The following PRKD2 variants were observed in gnomAD, a reference collection of about 807,000 sequenced individuals.
The protein encoded by PRKD2 is serine/threonine-protein kinase D2.
A neutral mutation model predicts 86.0 loss-of-function variants in PRKD2; 22 were observed. The ratio of observed to expected loss-of-function variants is 0.26; its 90% CI spans 0.18 to 0.37. The LOEUF (loss-of-function observed/expected upper bound fraction) is 0.37. Ranked by LOEUF, PRKD2 falls within the 10% of genes least tolerant of loss-of-function variation. PRKD2 has a pLI of 1.00. For missense variants in PRKD2, 818 were observed against 1,199.2 expected (o/e 0.68, Z 4.70); for synonymous variants, 509 against 510.9 (o/e 1.00, Z 0.05).
intron 9 of PRKD2, among the ~76,000 whole-genome samples, chr19:46,696,434 G>A (rs2053558405): frequency 6.6e-6 from 1 of 152,132 alleles, no homozygotes; most frequent in Admixed American, 6.6e-5. Context: ...AGGTGGTGAC[G>A]AATACGCACA....
chr19:46,708,181 C>G (rs2053743826), intron 3 of PRKD2, among the ~76,000 whole-genome samples: 1 of 152,034 alleles, frequency 6.6e-6, no homozygotes, highest in South Asian at 2.1e-4. Flanking sequence ...TCTGTGTCTC[C>G]CCCAAAATTC....
At chr19:46,708,552 A>G (rs765716099) in intron 3 of PRKD2, among the ~76,000 whole-genome samples, 56 of 151,618 alleles carry the variant, frequency 3.7e-4, no homozygotes, top group Non-Finnish European at 6.8e-4. Context: ...CCTGGACTCA[A>G]GCGATCCACC....
chr19:46,714,328 C>G (rs938690703), intron 1 of PRKD2: 37 of 1,097,898 alleles, frequency 3.4e-5, no homozygotes, highest in Non-Finnish European at 3.8e-5. Flanking sequence ...AATGAACACT[C>G]CCTCCCCTGT....
chr19:46,679,285 G>A (rs1464537004), intron 15 of PRKD2, among the ~76,000 whole-genome samples: 2 of 152,054 alleles, frequency 1.3e-5, no homozygotes, highest in Non-Finnish European at 2.9e-5. Flanking sequence ...AGCCGAGATC[G>A]CACCACTGCA....
Position 46,678,807 on chromosome 19 carries a change from C to A in PRKD2, c.2071-144G>T, listed in dbSNP as rs746289923. The stretch of plus-strand genomic sequence containing the variant: ...GCTCCTTGGCTCACTAGCTGAGCAA[C>A]CCTGGGCAGGTGACTTCCCCCCTCT... On this transcript the variant is annotated intron_variant, in intron 15 of 17. Coordinates refer to ENST00000291281, the MANE Select transcript of PRKD2 (RefSeq NM_016457.5). The surrounding 1 kb of genome is among the most constrained non-coding windows in gnomAD (Gnocchi z 5.7). The A allele has an allele frequency of 1.8e-5, 18 of 991,300 alleles. No homozygotes were observed. The highest frequency in any genetic ancestry group is 1.7e-4 in the Admixed American group (6 of 36,158). The allele number at this position is 991,300 out of a possible 1,614,324, so 61.4% of individuals were successfully genotyped here. A position where few individuals can be genotyped will look rare whatever the true frequency, so the allele number is the denominator to read the frequency against.
rs1366759266 is a variant in PRKD2 at position 46,681,286 on chromosome 19, A to G, written c.2070+364T>C. 4.9e-5 allele frequency among the ~76,000 whole-genome samples: 6 copies of G among 121,274 alleles called. No homozygotes were observed. In the East Asian group the frequency reaches 1.5e-3, roughly 31 times the overall value. 79.6% of individuals were successfully genotyped at this position (121,274 alleles called of 152,430 possible). On this transcript the variant is annotated intron_variant, in intron 15 of 17. Transcript: ENST00000291281. ...TTTTTTTTTTTAAGAGACAGCTCTC[A>G]CTCTGTTATTCAGGCTGGAGTGCAG...
chr19:46,692,085 T>C (rs2053492111), intron 10 of PRKD2, 100 bp from the exon 11 acceptor site: 2 of 1,174,136 alleles, frequency 1.7e-6, no homozygotes. Flanking sequence ...CACCCAGATT[T>C]GAATCCAATG....
intron 3 of PRKD2, among the ~76,000 whole-genome samples, chr19:46,707,183 T>C (rs2053726099): frequency 6.6e-6 from 1 of 152,174 alleles, no homozygotes. Flanking sequence ...TGAGCCACCG[T>C]GCCTGGCCCA....
chr19:46,678,678 G>A lies in PRKD2; in HGVS notation c.2071-15C>T. ...CACAGCTTCACCTGCAGAGGGCAAGGGATGGAGGCTCCACCAGGTGATGGA... is the reference window on the plus strand; with the variant it reads ...CACAGCTTCACCTGCAGAGGGCAAGAGATGGAGGCTCCACCAGGTGATGGA... On this transcript the variant is annotated splice_polypyrimidine_tract_variant and intron_variant, in intron 15 of 17. Coordinates refer to ENST00000291281, the MANE Select transcript of PRKD2 (RefSeq NM_016457.5). This position sits in a 1 kb window ranked among gnomAD's most constrained non-coding sequence, Gnocchi z 5.7. 6.3e-7 allele frequency: 1 copy of A among 1,596,674 alleles called. No individual in the cohort carries two copies. The highest frequency in any genetic ancestry group is 8.5e-7 in the Non-Finnish European group (1 of 1,176,230).
Position 46,678,676 on chromosome 19 carries a change from A to T in PRKD2, c.2071-13T>A, listed in dbSNP as rs776803892. The T allele has an allele frequency of 1.9e-6, 3 of 1,597,358 alleles. No individual in the cohort carries two copies. Among genetic ancestry groups the T allele is most frequent in the Admixed American group, 3.3e-5 (2 of 59,890 alleles). On this transcript the variant is annotated splice_polypyrimidine_tract_variant and intron_variant, in intron 15 of 17. Transcript: ENST00000291281. This position sits in a 1 kb window ranked among gnomAD's most constrained non-coding sequence, Gnocchi z 5.7. Reference sequence around the variant, plus strand: ...CACACAGCTTCACCTGCAGAGGGCAAGGGATGGAGGCTCCACCAGGTGATG... The same window carrying T: ...CACACAGCTTCACCTGCAGAGGGCATGGGATGGAGGCTCCACCAGGTGATG...
At chr19:46,680,159 T>C (rs3859426) in intron 15 of PRKD2, among the ~76,000 whole-genome samples, 118,088 of 152,114 alleles carry the variant, frequency 0.78, 46,410 homozygotes, top group African/African-American at 0.91. Context: ...CAGCCACGCC[T>C]CAACCCCTGA....
At chr19:46,691,596 C>T in intron 12 of PRKD2, 139 bp downstream of exon 12, 1 of 808,664 alleles carries the variant, frequency 1.2e-6, no homozygotes, top group Non-Finnish European at 2.1e-6. Flanking sequence ...CACCCAGGAT[C>T]TAGCTAAGCC....
intron 3 of PRKD2, chr19:46,710,347 C>T (rs1472861980): frequency 6.5e-6 from 1 of 153,062 alleles, no homozygotes; most frequent in Non-Finnish European, 1.5e-5. Flanking sequence ...TGTCTGTCAC[C>T]ATGCTTGGCT....
chr19:46,716,010 C>T lies in PRKD2; in HGVS notation c.240+121G>A, dbSNP rs2053876749. ...GAGGGGGGCAATGCCCCCTATCCCT[C>T]CATCACCCAAAGCTCAGGTCTCCTT... On this transcript the variant is annotated intron_variant, in intron 1 of 17. Transcript: ENST00000291281. The surrounding 1 kb of genome is among the most constrained non-coding windows in gnomAD (Gnocchi z 7.9). 1.4e-6 allele frequency: 2 copies of T among 1,422,208 alleles called. No homozygotes were observed. Among genetic ancestry groups the T allele is most frequent in the African/African-American group, 3.0e-5 (2 of 66,934 alleles). The allele number at this position is 1,422,208 out of a possible 1,614,324, so 88.1% of individuals were successfully genotyped here. A position where few individuals can be genotyped will look rare whatever the true frequency, so the allele number is the denominator to read the frequency against.
chr19:46,695,478 G>A (rs1383335557), intron 9 of PRKD2, among the ~76,000 whole-genome samples: 4 of 152,170 alleles, frequency 2.6e-5, no homozygotes, highest in Admixed American at 1.3e-4. Context: ...GCGAGACTCC[G>A]TCTCAAAAAT....
At chr19:46,714,712 G>A (rs530342262) in intron 1 of PRKD2, 24 of 152,702 alleles carry the variant, frequency 1.6e-4, no homozygotes, top group South Asian at 8.2e-4. Flanking sequence ...TGAAGCCTGA[G>A]CGGGGCAGGC....
intron 3 of PRKD2, among the ~76,000 whole-genome samples, chr19:46,710,185 C>G (rs1026080156): frequency 2.0e-5 from 3 of 151,978 alleles, no homozygotes; most frequent in African/African-American, 7.3e-5. Context: ...GCATGAGCCA[C>G]CGTGTCCGGC....
intron 5 of PRKD2, among the ~76,000 whole-genome samples, chr19:46,703,960 C>CA (rs200029658): frequency 0.014 from 1,494 of 108,860 alleles, 27 homozygotes; most frequent in African/African-American, 0.045. Flanking sequence ...ACAACAACAA[C>CA]ACACACACAC....
chr19:46,680,953 T>A (rs1460001860), intron 15 of PRKD2, among the ~76,000 whole-genome samples: 7 of 119,322 alleles, frequency 5.9e-5, no homozygotes, highest in African/African-American at 2.2e-4. Context: ...TATATTTTTT[T>A]TTTTTTTTTT....
Sources: gnomAD v4.1 joint callset for allele counts (sites outside exome capture counted in the v4.1 genomes callset) on GRCh38, gnomAD v4.1.1 for gene constraint, Gnocchi (gnomAD v3.1) non-coding constraint, MANE v1.5 for transcripts, NCBI Gene and HGNC (gene_info 2026-07-23, HGNC 2026-07-21) for gene names.